Variants in RBMS1 observed in about 807,000 individuals in gnomAD.
RBMS1 encodes the protein RNA-binding motif, single-stranded-interacting protein 1.
Under a neutral mutation model 62.3 loss-of-function variants are expected in RBMS1, and 17 were observed. The ratio of observed to expected loss-of-function variants is 0.27; its 90% CI spans 0.19 to 0.41. RBMS1 has a LOEUF of 0.41. Among genes scored for constraint, RBMS1 ranks in the 10% least tolerant of loss-of-function variants. The pLI is 1.00. For synonymous variants in RBMS1, 172 were observed against 170.0 expected (o/e 1.01, Z -0.09); for missense variants, 334 against 504.5 (o/e 0.66, Z 3.24).
chr2:160,277,699 T>C, intron 11 of RBMS1: 1 of 236,182 alleles, frequency 4.2e-6, no homozygotes, highest in Non-Finnish European at 8.5e-6. Context: ...TAATGTGTGA[T>C]TTTAGAAGAT....
intron 4 of RBMS1, among the ~76,000 whole-genome samples, chr2:160,307,929 A>G (rs1409043471): frequency 1.3e-5 from 2 of 152,158 alleles, no homozygotes; most frequent in African/African-American, 4.8e-5. Context: ...CCAGTATGTC[A>G]AACAATATTA....
rs1304148161 is a variant in RBMS1, at chr2:160,462,921, T to C, written c.75+30368A>G. ...AGCCAAAATCATTTCTAAACTTAGATAGACATTTCAGTTAAAGAATGAAAC... is the reference window on the plus strand; with the variant it reads ...AGCCAAAATCATTTCTAAACTTAGACAGACATTTCAGTTAAAGAATGAAAC... On this transcript the variant is annotated intron_variant, in intron 1 of 13. Coordinates refer to ENST00000348849, the MANE Select transcript of RBMS1 (RefSeq NM_016836.4). 2.7e-5 allele frequency among the ~76,000 whole-genome samples: 4 copies of C among 150,656 alleles called. No homozygotes were observed. In the South Asian group the frequency reaches 6.2e-4, roughly 23 times the overall value.
chr2:160,325,050 G>T (rs373844771), intron 2 of RBMS1, among the ~76,000 whole-genome samples: 1 of 151,738 alleles, frequency 6.6e-6, no homozygotes, highest in Admixed American at 6.6e-5. Context: ...CGTATTCAAG[G>T]TTACACAACT....
intron 1 of RBMS1, among the ~76,000 whole-genome samples, chr2:160,485,540 CTATT>C (rs1343748852): frequency 2.6e-5 from 4 of 152,122 alleles, no homozygotes; most frequent in Admixed American, 1.3e-4. Flanking sequence ...TTAAGGATAA[CTATT>C]TATTTATGAA....
chr2:160,319,097 C>T (rs529306708), intron 2 of RBMS1, among the ~76,000 whole-genome samples: 2 of 152,236 alleles, frequency 1.3e-5, no homozygotes, highest in Non-Finnish European at 2.9e-5. Flanking sequence ...TAAATATGAA[C>T]CGAACCCCAC....
At chr2:160,470,695 G>C (rs1210814046) in intron 1 of RBMS1, among the ~76,000 whole-genome samples, 1 of 152,084 alleles carries the variant, frequency 6.6e-6, no homozygotes, top group Non-Finnish European at 1.5e-5. Context: ...CCTCATCTTA[G>C]ATTGTTAATG....
At chr2:160,332,384 A>T (rs1415853829) in intron 2 of RBMS1, among the ~76,000 whole-genome samples, 1 of 152,226 alleles carries the variant, frequency 6.6e-6, no homozygotes, top group Admixed American at 6.5e-5. Flanking sequence ...ACAATTTTGT[A>T]AAATCTTGTA....
At chr2:160,438,257 C>CTTTTTT (rs1683197829) in intron 1 of RBMS1, among the ~76,000 whole-genome samples, 1 of 142,542 alleles carries the variant, frequency 7.0e-6, no homozygotes. Flanking sequence ...AGGCTCAATA[C>CTTTTTT]TTTCTTTTTT....
rs551765582 is a variant in RBMS1, at chr2:160,323,001, A to T, written c.252-4774T>A. 5.3e-4 allele frequency among the ~76,000 whole-genome samples: 81 copies of T among 152,208 alleles called. 1 individual carries two copies. The highest frequency in any genetic ancestry group is 1.6e-3 in the African/African-American group (66 of 41,534). On this transcript the variant is annotated intron_variant, in intron 2 of 13. Transcript: ENST00000348849. ...GTCATCATCTCTCTCTACTCATTTT[A>T]CTTGCAGTAAGATTTAAAGTGAGGG...
chr2:160,319,734 A>G (rs1014732563), intron 2 of RBMS1, among the ~76,000 whole-genome samples: 1 of 152,180 alleles, frequency 6.6e-6, no homozygotes, highest in Non-Finnish European at 1.5e-5. Context: ...AGCATTTTAA[A>G]CCATTGTGAA....
At chr2:160,421,830 G>A (rs930062007) in intron 1 of RBMS1, among the ~76,000 whole-genome samples, 1 of 152,152 alleles carries the variant, frequency 6.6e-6, no homozygotes. Flanking sequence ...ACTTTTTAAT[G>A]AGCACCATTC....
intron 2 of RBMS1, among the ~76,000 whole-genome samples, chr2:160,325,082 G>A (rs1690848240): frequency 6.6e-6 from 1 of 151,968 alleles, no homozygotes; most frequent in Non-Finnish European, 1.5e-5. Context: ...ATGGGAGGTA[G>A]AATGTTTGCT....
Position 160,306,508 on chromosome 2 carries a change from C to T in RBMS1, c.403-3021G>A, listed in dbSNP as rs542632473. ...TTGTTTTCAATAGCAACGACCCTGT[C>T]GGTTAAAAACCTAATTTCATTTGGG... On this transcript the variant is annotated intron_variant, in intron 4 of 13. Transcript: ENST00000348849. Among the ~76,000 whole-genome samples, 37 of 152,034 alleles carry T rather than the reference C, an allele frequency of 2.4e-4. 2 individuals are homozygous for T. The South Asian group carries it at 6.6e-3, about 27-fold the overall frequency.
Position 160,307,361 on chromosome 2 carries a change from GAAAAA to G in RBMS1, c.403-3879_403-3875del, listed in dbSNP as rs762396045. ...CTGCTCGTGTGACTGCCTATTTATT[GAAAAA>G]AAAAAAAAAAAAAAAAGTGTAAACT... On this transcript the variant is annotated intron_variant, in intron 4 of 13. Transcript: ENST00000348849. 5.3e-3 allele frequency among the ~76,000 whole-genome samples: 455 copies of G among 85,752 alleles called. 2 individuals carry two copies. The highest frequency in any genetic ancestry group is 0.019 in the African/African-American group (419 of 22,258). The allele number at this position is 85,752 out of a possible 152,430, so 56.3% of individuals were successfully genotyped here. A position where few individuals can be genotyped will look rare whatever the true frequency, so the allele number is the denominator to read the frequency against.
chr2:160,484,392 T>G lies in RBMS1; in HGVS notation c.75+8897A>C, dbSNP rs796731503. Among the ~76,000 whole-genome samples the G allele has an allele frequency of 1.3e-3, 182 of 140,338 alleles. 1 individual carries two copies. The highest frequency in any genetic ancestry group is 3.1e-3 in the East Asian group (14 of 4,456). The allele number at this position is 140,338 out of a possible 152,430, so 92.1% of individuals were successfully genotyped here. Reference sequence around the variant, plus strand: ...CGCCTGTAGTCCCAGCTACTCGGGATGCTGAGGCAGGAGAATGGCGTGAAC... The same window carrying G: ...CGCCTGTAGTCCCAGCTACTCGGGAGGCTGAGGCAGGAGAATGGCGTGAAC... On this transcript the variant is annotated intron_variant, in intron 1 of 13. Transcript: ENST00000348849.
intron 1 of RBMS1, among the ~76,000 whole-genome samples, chr2:160,435,735 T>C (rs929126284): frequency 5.9e-5 from 9 of 152,172 alleles, no homozygotes; most frequent in Non-Finnish European, 1.3e-4. Context: ...ATATGAGCAA[T>C]TGAAATAGAA....
At position 160,318,229 on chromosome 2, in the gene RBMS1, TAAAAAAAAA is replaced by T. The variant is rs5835799; in HGVS notation, c.252-11_252-3del. The T allele has an allele frequency of 7.7e-6, 9 of 1,164,702 alleles. No individual in the cohort carries two copies. Among genetic ancestry groups the T allele is most frequent in the African/African-American group, 7.6e-5 (3 of 39,616 alleles). 72.1% of individuals were successfully genotyped at this position (1,164,702 alleles called of 1,614,324 possible). ...TTTGTGGAGACTATTTTCCCATATC[TAAAAAAAAA>T]AAAAAAAAAAAAAAGGAAAAAAAGA... On this transcript the variant is annotated splice_polypyrimidine_tract_variant and splice_region_variant and intron_variant, in intron 2 of 13. Transcript: ENST00000348849.
Position 160,430,896 on chromosome 2 carries a change from A to G in RBMS1, c.75+62393T>C, listed in dbSNP as rs1682866018. Among the ~76,000 whole-genome samples the G allele has an allele frequency of 2.6e-5, 4 of 151,940 alleles. No individual in the cohort carries two copies. The East Asian group carries it at 8.0e-4, about 30-fold the overall frequency. ...TCCTATCTGCTTGACTTTCAGTTGC[A>G]TGAAATAATGATGGGGCGCTTAGCA... is the stretch of plus-strand genomic sequence containing the variant. On this transcript the variant is annotated intron_variant, in intron 1 of 13. Transcript: ENST00000348849.
chr2:160,428,075 G>T lies in RBMS1; in HGVS notation c.76-60684C>A, dbSNP rs528017112. On this transcript the variant is annotated intron_variant, in intron 1 of 13. Transcript: ENST00000348849. ...CAGGATGGCTACGAGATGGCTATAAGACTTTCCATGTACTTCTGGAGCCTA... is the reference window on the plus strand; with the variant it reads ...CAGGATGGCTACGAGATGGCTATAATACTTTCCATGTACTTCTGGAGCCTA... Among the ~76,000 whole-genome samples, 51 of 151,958 alleles carry T rather than the reference G, an allele frequency of 3.4e-4. 1 individual carries two copies. The South Asian group carries it at 7.7e-3, about 23-fold the overall frequency.
Sources: gnomAD v4.1 joint callset for allele counts (sites outside exome capture counted in the v4.1 genomes callset) on GRCh38, gnomAD v4.1.1 for gene constraint, MANE v1.5 for transcripts, NCBI Gene and HGNC (gene_info 2026-07-23, HGNC 2026-07-21) for gene names.